The following IQCH variants were observed in gnomAD, a reference collection of about 807,000 sequenced individuals.
IQCH encodes IQ domain-containing protein H.
Under a neutral mutation model 117.0 loss-of-function variants are expected in IQCH, and 98 were observed. The observed-to-expected ratio is 0.84, with a 90% confidence interval of 0.71 to 0.99. The LOEUF (loss-of-function observed/expected upper bound fraction) is 0.99, where lower values mean the gene tolerates loss of function less well. IQCH is among the 50% of genes least tolerant of loss of function. The pLI is 0.00. For synonymous variants in IQCH, 412 were observed against 448.2 expected (o/e 0.92, Z 1.02); for missense variants, 1,102 against 1,243.8 (o/e 0.89, Z 1.72).
chr15:67,355,654 A>T (rs1302315021), intron 6 of IQCH, among the ~76,000 whole-genome samples: 1 of 152,098 alleles, frequency 6.6e-6, no homozygotes, highest in African/African-American at 2.4e-5. Context: ...AAAGACAAGG[A>T]TTTTTTCCTC....
At position 67,490,375 on chromosome 15, in the gene IQCH, T is replaced by A. The variant is rs1254524711; in HGVS notation, c.2861+311T>A. 1.3e-5 allele frequency among the ~76,000 whole-genome samples: 2 copies of A among 151,996 alleles called. No individual in the cohort carries two copies. Among genetic ancestry groups the A allele is most frequent in the Non-Finnish European group, 2.9e-5 (2 of 68,010 alleles). On this transcript the variant is annotated intron_variant, in intron 19 of 20. Coordinates refer to ENST00000335894, the MANE Select transcript of IQCH (RefSeq NM_001031715.3). This position sits in a 1 kb window ranked among gnomAD's most constrained non-coding sequence, Gnocchi z 4.9. ...TGCGTGCCACCATGCCCAGCTAATT[T>A]TTGTATTTTTAGTAGAGACGGGGTT... is the stretch of plus-strand genomic sequence containing the variant.
chr15:67,262,218 G>C (rs1469227942), intron 2 of IQCH, among the ~76,000 whole-genome samples: 1 of 152,176 alleles, frequency 6.6e-6, no homozygotes, highest in African/African-American at 2.4e-5. Context: ...TTGGGCCAGA[G>C]AAATAAAGTA....
At chr15:67,305,716 A>G (rs1278680948) in intron 4 of IQCH, among the ~76,000 whole-genome samples, 1 of 152,094 alleles carries the variant, frequency 6.6e-6, no homozygotes, top group Admixed American at 6.6e-5. Flanking sequence ...ACTTTTTCTG[A>G]TGAGTACTGG....
At chr15:67,440,927 C>A (rs2082251947) in intron 16 of IQCH, among the ~76,000 whole-genome samples, 1 of 151,998 alleles carries the variant, frequency 6.6e-6, no homozygotes, top group African/African-American at 2.4e-5. Flanking sequence ...GTCAAACTGT[C>A]ACTGTTTGCT....
rs374775038 is a variant in IQCH, at chr15:67,356,924, C to CT, written c.638-412dup. On this transcript the variant is annotated intron_variant, in intron 6 of 20. Transcript: ENST00000335894. This position sits in a 1 kb window ranked among gnomAD's most constrained non-coding sequence, Gnocchi z 5.3. ...CTCAGTCATTTAAATTTTTTAGAAT[C>CT]TTTTTTTTTACACAATAGAATAGTC... Among the ~76,000 whole-genome samples the CT allele has an allele frequency of 8.9e-3, 1,342 of 151,542 alleles. 19 individuals are homozygous for CT. The highest frequency in any genetic ancestry group is 0.031 in the African/African-American group (1,279 of 41,302).
At chr15:67,303,638 A>G (rs1385507184) in intron 4 of IQCH, among the ~76,000 whole-genome samples, 1 of 152,112 alleles carries the variant, frequency 6.6e-6, no homozygotes, top group Non-Finnish European at 1.5e-5. Flanking sequence ...AAGGTCACAC[A>G]CAGCAGTCGA....
intron 4 of IQCH, among the ~76,000 whole-genome samples, chr15:67,331,070 C>A (rs1214019838): frequency 6.6e-6 from 1 of 152,168 alleles, no homozygotes. Flanking sequence ...AGTAGAATGT[C>A]TGGACAGAGC....
At chr15:67,378,014 A>C (rs1428676074) in intron 10 of IQCH, among the ~76,000 whole-genome samples, 1 of 152,178 alleles carries the variant, frequency 6.6e-6, no homozygotes, top group Non-Finnish European at 1.5e-5. Context: ...GTACTTTCAC[A>C]GAAGCCTACG....
chr15:67,348,500 A>G (rs904529881), intron 6 of IQCH, among the ~76,000 whole-genome samples: 6 of 152,188 alleles, frequency 3.9e-5, no homozygotes, highest in African/African-American at 1.4e-4. Flanking sequence ...GAAATCGAAT[A>G]TTAAAAAAAT....
At chr15:67,289,346 C>A (rs1019350397) in intron 4 of IQCH, among the ~76,000 whole-genome samples, 3 of 151,858 alleles carry the variant, frequency 2.0e-5, no homozygotes, top group Non-Finnish European at 4.4e-5. Context: ...TGTGGTAATC[C>A]AGGTAAGAGA....
intron 4 of IQCH, among the ~76,000 whole-genome samples, chr15:67,332,779 G>A (rs1260975215): frequency 2.0e-5 from 3 of 152,116 alleles, no homozygotes; most frequent in East Asian, 1.9e-4. Context: ...AAATAAAATC[G>A]TGGTAAATAG....
At chr15:67,283,657 A>G (rs1279361345) in intron 4 of IQCH, among the ~76,000 whole-genome samples, 1 of 152,118 alleles carries the variant, frequency 6.6e-6, no homozygotes, top group Non-Finnish European at 1.5e-5. Flanking sequence ...CATATAAATT[A>G]TAGCAATTTT....
At chr15:67,380,741 G>A (rs1004987229) in intron 10 of IQCH, among the ~76,000 whole-genome samples, 1 of 152,218 alleles carries the variant, frequency 6.6e-6, no homozygotes, top group Admixed American at 6.5e-5. Flanking sequence ...GATTAGGAGA[G>A]AAAGGGATGG....
chr15:67,429,650 C>T (rs983187981), intron 16 of IQCH, among the ~76,000 whole-genome samples: 3 of 152,236 alleles, frequency 2.0e-5, no homozygotes, highest in Admixed American at 6.5e-5. Flanking sequence ...CACATACACA[C>T]AGGTCTTACA....
At chr15:67,322,511 GAC>G (rs2140603935) in intron 4 of IQCH, among the ~76,000 whole-genome samples, 1 of 152,220 alleles carries the variant, frequency 6.6e-6, no homozygotes, top group African/African-American at 2.4e-5. Context: ...TAGAACAACT[GAC>G]ACAGGACTTT....
rs1050848013 is a variant in IQCH, at chr15:67,364,562, A to G, written c.753+4677A>G. On this transcript the variant is annotated intron_variant, in intron 8 of 20. Coordinates refer to ENST00000335894, the MANE Select transcript of IQCH (RefSeq NM_001031715.3). The surrounding 1 kb of genome is among the most constrained non-coding windows in gnomAD (Gnocchi z 4.1). ...TAATTTTGCTTATATACAACAGAAA[A>G]AAGGTTAAATTATCAGCCAACAAGA... Among the ~76,000 whole-genome samples the G allele has an allele frequency of 6.6e-6, 1 of 152,182 alleles. No individual in the cohort carries two copies. Among genetic ancestry groups the G allele is most frequent in the Non-Finnish European group, 1.5e-5 (1 of 68,042 alleles).
chr15:67,258,520 A>G (rs1207867849), intron 1 of IQCH, among the ~76,000 whole-genome samples: 1 of 118,192 alleles, frequency 8.5e-6, no homozygotes, highest in Non-Finnish European at 1.7e-5. Context: ...GACAAGAGTG[A>G]GACTTCATCT....
chr15:67,494,222 C>T lies in IQCH; in HGVS notation c.2862-36C>T, dbSNP rs756823672. The T allele has an allele frequency of 4.8e-6, 7 of 1,467,630 alleles. No homozygotes were observed. Among genetic ancestry groups the T allele is most frequent in the South Asian group, 1.3e-5 (1 of 78,524 alleles). The allele number at this position is 1,467,630 out of a possible 1,614,324, so 90.9% of individuals were successfully genotyped here. A position where few individuals can be genotyped will look rare whatever the true frequency, so the allele number is the denominator to read the frequency against. ...TTGTTTTTAAGCATGTGAAGGGAATCGTTGGTAAACTCATTTGTTTGGATA... is the reference window on the plus strand; with the variant it reads ...TTGTTTTTAAGCATGTGAAGGGAATTGTTGGTAAACTCATTTGTTTGGATA... On this transcript the variant is annotated intron_variant, in intron 19 of 20. Coordinates refer to ENST00000335894, the MANE Select transcript of IQCH (RefSeq NM_001031715.3). This position sits in a 1 kb window ranked among gnomAD's most constrained non-coding sequence, Gnocchi z 5.5.
chr15:67,317,327 C>T (rs1002417567), intron 4 of IQCH, among the ~76,000 whole-genome samples: 4 of 152,102 alleles, frequency 2.6e-5, no homozygotes, highest in Non-Finnish European at 4.4e-5. Context: ...CTCAGCCTCC[C>T]GGGTAGCTGG....
Sources: allele counts gnomAD v4.1 joint callset (sites outside exome capture counted in the v4.1 genomes callset), GRCh38; gene constraint gnomAD v4.1.1; non-coding constraint Gnocchi (gnomAD v3.1); transcripts MANE v1.5; gene names NCBI Gene and HGNC (gene_info 2026-07-23, HGNC 2026-07-21).